The following AK2 variants were observed in gnomAD, a reference collection of about 807,000 sequenced individuals.
AK2 encodes the protein adenylate kinase 2, mitochondrial.
A neutral mutation model predicts 24.6 loss-of-function variants in AK2; 15 were observed. The ratio of observed to expected loss-of-function variants is 0.61; its 90% CI spans 0.41 to 0.94. The LOEUF (loss-of-function observed/expected upper bound fraction) is 0.94, where lower values mean the gene tolerates loss of function less well. Ranked by LOEUF, AK2 falls within the 40% of genes least tolerant of loss-of-function variation. AK2 has a pLI of 0.00. For missense variants in AK2, 257 were observed against 304.1 expected (o/e 0.85, Z 1.15); for synonymous variants, 102 against 114.0 (o/e 0.90, Z 0.67).
At chr1:33,036,621 C>T in intron 1 of AK2, 115 bp downstream of exon 1, 1 of 963,002 alleles carries the variant, frequency 1.0e-6, no homozygotes, top group Non-Finnish European at 1.6e-6. Context: ...GCCAGCGTTC[C>T]CCGCAGGCCT....
intron 2 of AK2, 81 bp from the exon 3 acceptor site, chr1:33,021,784 G>C: frequency 1.8e-6 from 2 of 1,091,860 alleles, no homozygotes; most frequent in Non-Finnish European, 2.8e-6. Flanking sequence ...ACAGCCAAAA[G>C]TTTGTGTATA....
At chr1:33,030,696 C>G (rs10914648) in intron 1 of AK2, among the ~76,000 whole-genome samples, 9 of 152,148 alleles carry the variant, frequency 5.9e-5, no homozygotes, top group African/African-American at 2.2e-4. Flanking sequence ...ACATAATAAA[C>G]CCATGAGGTA....
intron 4 of AK2, among the ~76,000 whole-genome samples, chr1:33,017,109 A>G (rs1184412232): frequency 6.6e-6 from 1 of 152,334 alleles, no homozygotes; most frequent in East Asian, 1.9e-4. Context: ...AATACAATGT[A>G]AATGCCATGT....
rs966212928 is a variant in AK2 at position 33,008,533 on chromosome 1, C to G, written c.*4648G>C. On this transcript the variant is annotated 3_prime_UTR_variant, in exon 6 of 6. Transcript: ENST00000672715. ...GGAAAAGAGCTCTTATTCAGAGCAG[C>G]CCTTCCTGTGTGCAGAGCTACGCAA... is the stretch of plus-strand genomic sequence containing the variant. 1.3e-5 allele frequency: 6 copies of G among 453,984 alleles called. No homozygotes were observed. Among genetic ancestry groups the G allele is most frequent in the Non-Finnish European group, 2.6e-5 (6 of 226,802 alleles). 28.1% of individuals were successfully genotyped at this position (453,984 alleles called of 1,614,324 possible).
chr1:33,021,390 C>G lies in AK2; in HGVS notation c.402G>C (p.Leu134=), dbSNP rs1639542850. Residue 134 remains leucine, a synonymous_variant, in exon 4 of 6, where the codon CTG becomes CTC. Transcript: ENST00000672715. ...ACCTTCCTGTGATTCTTCGGATCAG[C>G]AGAGAGTCTGGGATGCTGAATTCAA... The part of the protein sequence containing the change: ...SVIEFSIPDS[L]LIRRITGRLI... 2.5e-6 allele frequency: 4 copies of G among 1,614,012 alleles called. No homozygotes were observed. The highest frequency in any genetic ancestry group is 3.4e-6 in the Non-Finnish European group (4 of 1,179,924).
chr1:33,009,352 C>A lies in AK2; in HGVS notation c.*3829G>T, dbSNP rs1252210586. The A allele has an allele frequency of 2.2e-6, 1 of 454,034 alleles. No individual in the cohort carries two copies. Among genetic ancestry groups the A allele is most frequent in the Non-Finnish European group, 4.4e-6 (1 of 226,780 alleles). The allele number at this position is 454,034 out of a possible 1,614,324, so 28.1% of individuals were successfully genotyped here. Reference sequence around the variant, plus strand: ...ATTTAAACTAGGACACACAGAGAAGCAACAAAGAGTGTTAAAGAAGCAACT... The same window carrying A: ...ATTTAAACTAGGACACACAGAGAAGAAACAAAGAGTGTTAAAGAAGCAACT... On this transcript the variant is annotated 3_prime_UTR_variant, in exon 6 of 6. Coordinates refer to ENST00000672715, the MANE Select transcript of AK2 (RefSeq NM_001625.4).
chr1:33,027,214 C>T (rs954803598), intron 1 of AK2, among the ~76,000 whole-genome samples: 9 of 152,232 alleles, frequency 5.9e-5, no homozygotes, highest in African/African-American at 2.2e-4. Context: ...TGTGGCCGTA[C>T]ATCTAGAGAG....
At chr1:33,024,992 C>T (rs1639784276) in intron 1 of AK2, among the ~76,000 whole-genome samples, 1 of 152,126 alleles carries the variant, frequency 6.6e-6, no homozygotes, top group Non-Finnish European at 1.5e-5. Flanking sequence ...CGAGACCAGC[C>T]TGACCAACAT....
At position 33,008,659 on chromosome 1, in the gene AK2, C is replaced by A. The variant is rs1323254117; in HGVS notation, c.*4522G>T. On this transcript the variant is annotated 3_prime_UTR_variant, in exon 6 of 6. Transcript: ENST00000672715. ...CTTATGCATGACCTCAGGAATGCCA[C>A]TTCACCTCTCTGAGTCTGGTTTCCT... is the stretch of plus-strand genomic sequence containing the variant. 1 of 454,026 alleles carries A rather than the reference C, an allele frequency of 2.2e-6. No individual in the cohort carries two copies. The highest frequency in any genetic ancestry group is 2.0e-5 in the African/African-American group (1 of 50,012). 28.1% of individuals were successfully genotyped at this position (454,026 alleles called of 1,614,324 possible).
chr1:33,023,727 T>C (rs1303425648), intron 2 of AK2, among the ~76,000 whole-genome samples: 1 of 152,224 alleles, frequency 6.6e-6, no homozygotes, highest in African/African-American at 2.4e-5. Flanking sequence ...CTCTCTTGAA[T>C]ACATCTCTGA....
At chr1:33,026,046 T>C (rs150583182) in intron 1 of AK2, among the ~76,000 whole-genome samples, 416 of 152,336 alleles carry the variant, frequency 2.7e-3, no homozygotes, top group African/African-American at 9.6e-3. Context: ...CAACACTGGC[T>C]TTGCAGTGGG....
chr1:33,020,010 C>T, intron 4 of AK2: 1 of 1,511,898 alleles, frequency 6.6e-7, no homozygotes, highest in Non-Finnish European at 8.8e-7. Context: ...ATGGAGGGTC[C>T]ATTTGCAGTT....
intron 2 of AK2, 134 bp downstream of exon 2, chr1:33,024,308 G>T: frequency 1.7e-6 from 2 of 1,206,724 alleles, no homozygotes; most frequent in Non-Finnish European, 2.4e-6. Context: ...AATATGGCTA[G>T]TGCAACTGAG....
chr1:33,024,571 C>G lies in AK2; in HGVS notation c.94-4G>C. On this transcript the variant is annotated splice_region_variant and splice_polypyrimidine_tract_variant and intron_variant, in intron 1 of 5. Transcript: ENST00000672715. ...AGTTTTCAGCCAATCTGGGTGCCTACAGAGAGGAAGACAAAAACCAAGATT... is the reference window on the plus strand; with the variant it reads ...AGTTTTCAGCCAATCTGGGTGCCTAGAGAGAGGAAGACAAAAACCAAGATT... The G allele has an allele frequency of 1.2e-6, 2 of 1,614,140 alleles. No homozygotes were observed. The highest frequency in any genetic ancestry group is 1.7e-6 in the Non-Finnish European group (2 of 1,179,998).
At chr1:33,020,230 A>ACACACAC in intron 4 of AK2, 1 of 690,744 alleles carries the variant, frequency 1.4e-6, no homozygotes, top group Non-Finnish European at 2.1e-6. Flanking sequence ...CACACACACA[A>ACACACAC]AGTGGCTGTA....
intron 1 of AK2, among the ~76,000 whole-genome samples, chr1:33,033,437 A>C (rs1032664425): frequency 3.3e-5 from 5 of 152,142 alleles, no homozygotes; most frequent in Admixed American, 2.0e-4. Flanking sequence ...GGGAGGACTG[A>C]GGCTGCCGTG....
chr1:33,018,555 C>T (rs1639336706), intron 4 of AK2, among the ~76,000 whole-genome samples: 2 of 152,196 alleles, frequency 1.3e-5, no homozygotes, highest in African/African-American at 2.4e-5. Flanking sequence ...CAGGGCTAAC[C>T]CTGCCACTCA....
At chr1:33,018,246 ACT>A (rs1173648878) in intron 4 of AK2, among the ~76,000 whole-genome samples, 1 of 152,146 alleles carries the variant, frequency 6.6e-6, no homozygotes. Flanking sequence ...CAGAACAATG[ACT>A]CAAAATTACT....
chr1:33,023,927 T>C (rs1639705660), intron 2 of AK2, among the ~76,000 whole-genome samples: 1 of 152,182 alleles, frequency 6.6e-6, no homozygotes, highest in African/African-American at 2.4e-5. Flanking sequence ...TCCCAGCACT[T>C]TGGGAGGCCA....
Sources: allele counts gnomAD v4.1 joint callset (sites outside exome capture counted in the v4.1 genomes callset), GRCh38; gene constraint gnomAD v4.1.1; transcripts MANE v1.5; gene names NCBI Gene and HGNC (gene_info 2026-07-23, HGNC 2026-07-21).